MAFB: variants seen among roughly 807,000 people sequenced by gnomAD.
MAFB encodes transcription factor MafB.
MAFB carries 3 observed loss-of-function variants against 17.7 expected under a neutral mutation model. That is an observed-to-expected ratio of 0.17 (90% CI 0.08 to 0.44). The LOEUF is 0.44. MAFB is among the 20% of genes least tolerant of loss of function. The probability of loss-of-function intolerance (pLI) is 0.99; values close to 1 mark genes in which losing one functional copy is unlikely to be tolerated. For synonymous variants in MAFB, 214 were observed against 211.5 expected (o/e 1.01, Z -0.10); for missense variants, 355 against 461.3 (o/e 0.77, Z 2.11).
In MAFB at chr20:40,688,322, C is replaced by A. The variant is rs765047573; in HGVS notation, c.529G>T (p.Ala177Ser). The change falls in exon 1 of 1, where the codon GCT becomes TCT. Residue 177 changes from alanine to serine, a missense_variant. Transcript: ENST00000373313. ...GTGGGCAGCTGTTGCGCCGGGCTAG[C>A]GGCGCTGGACGGCGGCGGCGACGCT... ...HQASPPPSSA[A>S]SPAQQLPTSH... is the part of the protein sequence containing the mutation. The A allele has an allele frequency of 2.0e-5, 30 of 1,504,254 alleles. No individual in the cohort carries two copies. Among genetic ancestry groups the A allele is most frequent in the Non-Finnish European group, 2.5e-5 (28 of 1,139,302 alleles). 93.2% of individuals were successfully genotyped at this position (1,504,254 alleles called of 1,614,324 possible).
In MAFB at chr20:40,688,407, G is replaced by A. The variant is rs551111140; in HGVS notation, c.444C>T (p.Ala148=). The A allele has an allele frequency of 1.4e-5, 22 of 1,576,110 alleles. 1 individual carries two copies. The highest frequency in any genetic ancestry group is 1.7e-4 in the Middle Eastern group (1 of 5,784). The change falls in exon 1 of 1, where the codon GCC becomes GCT. Residue 148 remains alanine, a synonymous_variant. Coordinates refer to ENST00000373313, the MANE Select transcript of MAFB (RefSeq NM_005461.5). ...GGCCCAGCTCGTCGTGGGCCACGCCGGCGCCCGGGTACGCGTGGTGCGGGT... is the reference window on the plus strand; with the variant it reads ...GGCCCAGCTCGTCGTGGGCCACGCCAGCGCCCGGGTACGCGTGGTGCGGGT... ...HPHPHHAYPG[A]GVAHDELGPH...
Position 40,687,768 on chromosome 20 carries a change from AG to A in MAFB, c.*110del, listed in dbSNP as rs1568743199. 1 of 1,300,484 alleles carries A rather than the reference AG, an allele frequency of 7.7e-7. No individual in the cohort carries two copies. The highest frequency in any genetic ancestry group is 1.0e-6 in the Non-Finnish European group (1 of 968,722). 80.6% of individuals were successfully genotyped at this position (1,300,484 alleles called of 1,614,324 possible). A position where few individuals can be genotyped will look rare whatever the true frequency, so the allele number is the denominator to read the frequency against. ...TTCCTCCCTCTCGCTCAAGTCAAAC[AG>A]GTCAAGGCTGGGGCCGCGGCAGGGA... On this transcript the variant is annotated 3_prime_UTR_variant, in exon 1 of 1. Transcript: ENST00000373313.
At position 40,689,106 on chromosome 20, in the gene MAFB, G is replaced by C; in HGVS notation, c.-256C>G. On this transcript the variant is annotated 5_prime_UTR_variant, in exon 1 of 1. Transcript: ENST00000373313. Reference sequence around the variant, plus strand: ...ACCGGGCCGGGTAGAGTCGGGCGGGGTGGAGAGGCAAGCGGAGCGCGCGGT... The same window carrying C: ...ACCGGGCCGGGTAGAGTCGGGCGGGCTGGAGAGGCAAGCGGAGCGCGCGGT... 8.6e-6 allele frequency: 4 copies of C among 462,848 alleles called. No individual in the cohort carries two copies. Among genetic ancestry groups the C allele is most frequent in the Non-Finnish European group, 1.1e-5 (3 of 274,148 alleles). 28.7% of individuals were successfully genotyped at this position (462,848 alleles called of 1,614,324 possible).
At position 40,688,157 on chromosome 20, in the gene MAFB, T is replaced by C. The variant is rs1568743442; in HGVS notation, c.694A>G (p.Thr232Ala). 1.2e-6 allele frequency: 2 copies of C among 1,610,832 alleles called. No homozygotes were observed. Among genetic ancestry groups the C allele is most frequent in the Non-Finnish European group, 1.7e-6 (2 of 1,179,670 alleles). ...TTCAGGCGGATCACCTCGTCCTTGG[T>C]GAAGCCCCGCAGGTGGCGGTTCAGC... ...RELNRHLRGF[T>A]KDEVIRLKQK... Residue 232 changes from threonine (T) to alanine (A), a missense_variant, in exon 1 of 1, where the codon ACC becomes GCC. Transcript: ENST00000373313.
rs1405777326 is a variant in MAFB at position 40,686,562 on chromosome 20, C to T, written c.*1317G>A. On this transcript the variant is annotated 3_prime_UTR_variant, in exon 1 of 1. Coordinates refer to ENST00000373313, the MANE Select transcript of MAFB (RefSeq NM_005461.5). ...GGGTCAGGGATGGCTAAGCCTCTCA[C>T]CCTAGGAGCGCTGTGGCTCCTACAA... 2 of 397,270 alleles carry T rather than the reference C, an allele frequency of 5.0e-6. No individual in the cohort carries two copies. Among genetic ancestry groups the T allele is most frequent in the Non-Finnish European group, 8.9e-6 (2 of 225,866 alleles). The allele number at this position is 397,270 out of a possible 1,614,324, so 24.6% of individuals were successfully genotyped here. A position where few individuals can be genotyped will look rare whatever the true frequency, so the allele number is the denominator to read the frequency against.
chr20:40,686,655 G>A lies in MAFB; in HGVS notation c.*1224C>T, dbSNP rs1986834847. On this transcript the variant is annotated 3_prime_UTR_variant, in exon 1 of 1. Coordinates refer to ENST00000373313, the MANE Select transcript of MAFB (RefSeq NM_005461.5). Reference sequence around the variant, plus strand: ...TCTGGTTACAATAAAAAGCAGAGGGGAGGATCTGTTTTCCTTTCCTTTCCT... The same window carrying A: ...TCTGGTTACAATAAAAAGCAGAGGGAAGGATCTGTTTTCCTTTCCTTTCCT... The A allele has an allele frequency of 5.0e-6, 2 of 398,370 alleles. No individual in the cohort carries two copies. The highest frequency in any genetic ancestry group is 4.4e-6 in the Non-Finnish European group (1 of 226,082). 24.7% of individuals were successfully genotyped at this position (398,370 alleles called of 1,614,324 possible).
rs767867839 is a variant in MAFB at position 40,687,902 on chromosome 20, A to T, written c.949T>A (p.Ser317Thr). The T allele has an allele frequency of 1.2e-6, 2 of 1,611,794 alleles. No individual in the cohort carries two copies. The highest frequency in any genetic ancestry group is 1.7e-6 in the Non-Finnish European group (2 of 1,179,996). The change falls in exon 1 of 1, where the codon TCC becomes ACC. Residue 317 changes from serine to threonine, a missense_variant. Physicochemically the swap from Ser to Thr is moderately conservative, Grantham distance 58. Around this residue, in one of 3 missense-constraint regions of MAFB, gnomAD observed 63 missense variants for 69.4 expected, o/e 0.91. Transcript: ENST00000373313. ...REAGSTSDSP[S>T]SPEFFL Reference sequence around the variant, plus strand: ...ACTCACAGAAAGAACTCGGGAGAGGAGGGGCTGTCGCTGGTGGAGCCCGCC... The same window carrying T: ...ACTCACAGAAAGAACTCGGGAGAGGTGGGGCTGTCGCTGGTGGAGCCCGCC...
Position 40,688,630 on chromosome 20 carries a change from C to T in MAFB, c.221G>A (p.Ser74Asn). Residue 74 changes from serine (S) to asparagine (N), a missense_variant, in exon 1 of 1, where the codon AGC becomes AAC. Ser to Asn is a conservative substitution (Grantham distance 46). Coordinates refer to ENST00000373313, the MANE Select transcript of MAFB (RefSeq NM_005461.5). Reference sequence around the variant, plus strand: ...GAGGTGTGTCTTCTGTTCGGTCGGGCTGAAGCTGGGCGACGAGGGCACGGA... The same window carrying T: ...GAGGTGTGTCTTCTGTTCGGTCGGGTTGAAGCTGGGCGACGAGGGCACGGA... Reference protein sequence around the residue: ...CSSVPSSPSFSPTEQKTHLED... With the variant: ...CSSVPSSPSFNPTEQKTHLED... 1 of 1,614,088 alleles carries T rather than the reference C, an allele frequency of 6.2e-7. No individual in the cohort carries two copies. Among genetic ancestry groups the T allele is most frequent in the Non-Finnish European group, 8.5e-7 (1 of 1,179,956 alleles).
Position 40,688,775 on chromosome 20 carries a change from G to A in MAFB, c.76C>T (p.Leu26=). ...TCCTTCTTCACGTCGAACTTGAGCAGGTCGAAGTCGTTGACATACTCCATG... is the reference window on the plus strand; with the variant it reads ...TCCTTCTTCACGTCGAACTTGAGCAAGTCGAAGTCGTTGACATACTCCATG... ...LAMEYVNDFD[L]LKFDVKKEPL... The change falls in exon 1 of 1, where the codon CTG becomes TTG. Residue 26 remains leucine, a synonymous_variant. Transcript: ENST00000373313. The A allele has an allele frequency of 6.2e-7, 1 of 1,613,780 alleles. No individual in the cohort carries two copies.
chr20:40,688,347 TTGGTGATGA>T lies in MAFB; in HGVS notation c.495_503del (p.His165_His167del). 1 of 1,521,306 alleles carries T rather than the reference TTGGTGATGA, an allele frequency of 6.6e-7. No individual in the cohort carries two copies. Among genetic ancestry groups the T allele is most frequent in the South Asian group, 1.3e-5 (1 of 78,344 alleles). The allele number at this position is 1,521,306 out of a possible 1,614,324, so 94.2% of individuals were successfully genotyped here. On this transcript the variant is annotated inframe_deletion, in exon 1 of 1. Transcript: ENST00000373313. Reference sequence around the variant, plus strand: ...CGGCGCTGGACGGCGGCGGCGACGCTTGGTGATGATGGTGATGGTGCGGGTGAGCGTGCG... The same window carrying T: ...CGGCGCTGGACGGCGGCGGCGACGCTTGGTGATGGTGCGGGTGAGCGTGCG...
At position 40,686,189 on chromosome 20, in the gene MAFB, C is replaced by T. The variant is rs369074467; in HGVS notation, c.*1690G>A. The T allele has an allele frequency of 2.0e-4, 42 of 206,848 alleles. 1 individual carries two copies. The South Asian group carries it at 6.5e-3, about 32-fold the overall frequency. The allele number at this position is 206,848 out of a possible 1,614,324, so 12.8% of individuals were successfully genotyped here. A position where few individuals can be genotyped will look rare whatever the true frequency, so the allele number is the denominator to read the frequency against. On this transcript the variant is annotated 3_prime_UTR_variant, in exon 1 of 1. Transcript: ENST00000373313. ...ACTAATACAAACTCAAAAATGCATC[C>T]GGCCAGCAGCGCCAGCAATTTCAAA...
rs1600427955 is a variant in MAFB, at chr20:40,687,145, G to T, written c.*734C>A. On this transcript the variant is annotated 3_prime_UTR_variant, in exon 1 of 1. Transcript: ENST00000373313. ...CCCTTCTCACCCAAAGAAACAAGGG[G>T]AGTATGATCCATGATCAACAACATG... 4 of 398,974 alleles carry T rather than the reference G, an allele frequency of 1.0e-5. No homozygotes were observed. In the East Asian group the frequency reaches 1.4e-4, roughly 14 times the overall value. 24.7% of individuals were successfully genotyped at this position (398,974 alleles called of 1,614,324 possible).
rs571395644 is a variant in MAFB at position 40,688,422 on chromosome 20, G to A, written c.429C>T (p.His143=). ...HHHHHHPHPH[H]AYPGAGVAHD... Reference sequence around the variant, plus strand: ...GGGCCACGCCGGCGCCCGGGTACGCGTGGTGCGGGTGAGGGTGGTGGTGAT... The same window carrying A: ...GGGCCACGCCGGCGCCCGGGTACGCATGGTGCGGGTGAGGGTGGTGGTGAT... The change falls in exon 1 of 1, where the codon CAC becomes CAT. Residue 143 remains histidine, a synonymous_variant. Coordinates refer to ENST00000373313, the MANE Select transcript of MAFB (RefSeq NM_005461.5). 3.2e-6 allele frequency: 5 copies of A among 1,585,954 alleles called. No individual in the cohort carries two copies. Among genetic ancestry groups the A allele is most frequent in the East Asian group, 2.2e-5 (1 of 44,538 alleles).
Position 40,688,072 on chromosome 20 carries a change from A to G in MAFB, c.779T>C (p.Val260Ala). The G allele has an allele frequency of 6.2e-7, 1 of 1,614,082 alleles. No homozygotes were observed. The highest frequency in any genetic ancestry group is 8.5e-7 in the Non-Finnish European group (1 of 1,180,012). ...ATTCTCCAGGTGGTGCTTCTGCTGG[A>G]CGCGTTTATACCTGCAAGACTGGGC... ...GYAQSCRYKR[V>A]QQKHHLENEK... The change falls in exon 1 of 1, where the codon GTC becomes GCC. Residue 260 changes from valine to alanine, a missense_variant. Around this residue, in one of 3 missense-constraint regions of MAFB, gnomAD observed 7 missense variants for 41.9 expected, o/e 0.17. Transcript: ENST00000373313.
chr20:40,689,174 T>C lies in MAFB; in HGVS notation c.-324A>G, dbSNP rs1986920192. ...TGGGGCGAGTGCCCGTTGCTCGCTC[T>C]CTAGCTCTCTTGCTCTTACGCTCTC... On this transcript the variant is annotated 5_prime_UTR_variant, in exon 1 of 1. Transcript: ENST00000373313. The C allele has an allele frequency of 2.7e-6, 1 of 371,856 alleles. No individual in the cohort carries two copies. The highest frequency in any genetic ancestry group is 4.9e-6 in the Non-Finnish European group (1 of 205,900). 23.0% of individuals were successfully genotyped at this position (371,856 alleles called of 1,614,324 possible). A position where few individuals can be genotyped will look rare whatever the true frequency, so the allele number is the denominator to read the frequency against.
At position 40,687,720 on chromosome 20, in the gene MAFB, C is replaced by G. The variant is rs1032221236; in HGVS notation, c.*159G>C. 90 of 926,798 alleles carry G rather than the reference C, an allele frequency of 9.7e-5. No homozygotes were observed. The highest frequency in any genetic ancestry group is 6.9e-4 in the Middle Eastern group (2 of 2,910). The allele number at this position is 926,798 out of a possible 1,614,324, so 57.4% of individuals were successfully genotyped here. On this transcript the variant is annotated 3_prime_UTR_variant, in exon 1 of 1. Coordinates refer to ENST00000373313, the MANE Select transcript of MAFB (RefSeq NM_005461.5). ...TCCCCTGCCCGCCCGCGCACCCGCCCGTCGCCCGCGGCCCGCGCGCCCTTC... is the reference window on the plus strand; with the variant it reads ...TCCCCTGCCCGCCCGCGCACCCGCCGGTCGCCCGCGGCCCGCGCGCCCTTC...
chr20:40,689,163 G>C lies in MAFB; in HGVS notation c.-313C>G. ...GAGGGGAGGCGTGGGGCGAGTGCCC[G>C]TTGCTCGCTCTCTAGCTCTCTTGCT... On this transcript the variant is annotated 5_prime_UTR_variant, in exon 1 of 1. Coordinates refer to ENST00000373313, the MANE Select transcript of MAFB (RefSeq NM_005461.5). The C allele has an allele frequency of 2.6e-6, 1 of 390,032 alleles. No individual in the cohort carries two copies. The allele number at this position is 390,032 out of a possible 1,614,324, so 24.2% of individuals were successfully genotyped here. A position where few individuals can be genotyped will look rare whatever the true frequency, so the allele number is the denominator to read the frequency against.
In MAFB at chr20:40,687,026, AC is replaced by A. The variant is rs771453040; in HGVS notation, c.*852del. On this transcript the variant is annotated 3_prime_UTR_variant, in exon 1 of 1. Transcript: ENST00000373313. ...AAACAAAGACCCTCAGCTTGCTGCC[AC>A]GTTCTCTATGCGGTTTGGCGGGGCG... 3 of 398,658 alleles carry A rather than the reference AC, an allele frequency of 7.5e-6. No individual in the cohort carries two copies. Among genetic ancestry groups the A allele is most frequent in the Non-Finnish European group, 1.3e-5 (3 of 226,044 alleles). The allele number at this position is 398,658 out of a possible 1,614,324, so 24.7% of individuals were successfully genotyped here.
At position 40,686,488 on chromosome 20, in the gene MAFB, G is replaced by T. The variant is rs535207415; in HGVS notation, c.*1391C>A. 4.1e-4 allele frequency: 158 copies of T among 389,428 alleles called. No individual in the cohort carries two copies. The highest frequency in any genetic ancestry group is 2.5e-3 in the Middle Eastern group (4 of 1,572). 24.1% of individuals were successfully genotyped at this position (389,428 alleles called of 1,614,324 possible). A position where few individuals can be genotyped will look rare whatever the true frequency, so the allele number is the denominator to read the frequency against. ...AATGTTTGGGTTTCTGGTACATTCT[G>T]AGCATAGCAGTTGGTTCAGTGCAGT... On this transcript the variant is annotated 3_prime_UTR_variant, in exon 1 of 1. Transcript: ENST00000373313.
Sources: allele counts gnomAD v4.1 joint callset, GRCh38; gene constraint gnomAD v4.1.1; regional missense constraint gnomAD v4.1.1; transcripts MANE v1.5; gene names NCBI Gene and HGNC (gene_info 2026-07-23, HGNC 2026-07-21).